Variants in MAGI3 observed in about 807,000 individuals in gnomAD.
The protein encoded by MAGI3 is membrane associated guanylate kinase, WW and PDZ domain containing 3.
MAGI3 carries 43 observed loss-of-function variants against 121.8 expected under a neutral mutation model. The observed-to-expected ratio is 0.35, with a 90% CI of 0.28 to 0.46. The LOEUF (loss-of-function observed/expected upper bound fraction) is 0.46. Among genes scored for constraint, MAGI3 ranks in the 20% least tolerant of loss-of-function variants. The pLI is 1.00. For missense variants in MAGI3, 1,547 were observed against 1,797.3 expected (o/e 0.86, Z 2.52); for synonymous variants, 553 against 639.3 (o/e 0.86, Z 2.04).
intron 8 of MAGI3, 133 bp from the exon 9 acceptor site, chr1:113,622,673 T>G (rs570715282): frequency 1.4e-6 from 1 of 714,786 alleles, no homozygotes; most frequent in East Asian, 3.3e-5. Context: ...GGGTTGAAAG[T>G]AAGCACAGAC....
At chr1:113,442,465 T>C (rs1653963917) in intron 1 of MAGI3, among the ~76,000 whole-genome samples, 1 of 152,074 alleles carries the variant, frequency 6.6e-6, no homozygotes, top group African/African-American at 2.4e-5. Flanking sequence ...TACTGAAGAA[T>C]TGGTTTTATT....
Position 113,654,012 on chromosome 1 carries a change from C to T in MAGI3, c.2623C>T (p.Pro875Ser), listed in dbSNP as rs546080312. Residue 875 changes from proline (P) to serine (S), a missense_variant, in exon 15 of 21, where the codon CCA becomes TCA. By Grantham distance (74) the Pro-to-Ser change is moderately conservative. Coordinates refer to ENST00000307546, the MANE Select transcript of MAGI3 (RefSeq NM_001142782.2). ...CCTCACCTCCAAAAACAAACCACCTCCAGGAGGTAAGGGCTATTGTATCTT... is the reference window on the plus strand; with the variant it reads ...CCTCACCTCCAAAAACAAACCACCTTCAGGAGGTAAGGGCTATTGTATCTT... ...VILTSKNKPPPGVIPHKIGRV... is the reference protein window; with the variant it reads ...VILTSKNKPPSGVIPHKIGRV... 1 of 1,612,450 alleles carries T rather than the reference C, an allele frequency of 6.2e-7. No homozygotes were observed. Among genetic ancestry groups the T allele is most frequent in the South Asian group, 1.1e-5 (1 of 90,892 alleles).
rs61742849 is a variant in MAGI3 at position 113,683,521 on chromosome 1, G to A, written c.3953G>A (p.Gly1318Asp). 63,494 of 1,613,900 alleles carry A rather than the reference G, an allele frequency of 0.039. 1,570 individuals carry two copies. The highest frequency in any genetic ancestry group is 0.099 in the Middle Eastern group (602 of 6,062). ...LLEGKSRRIA[G>D]YTGSNAEQIP... is the part of the protein sequence containing the mutation. ...GAGGGTAAGAGTCGAAGAATAGCAG[G>A]CTATACGGGCAGTAATGCTGAGCAG... Residue 1318 changes from glycine (G) to aspartate (D), a missense_variant, in exon 21 of 21, where the codon GGC (glycine) becomes GAC (aspartate). Transcript: ENST00000307546.
intron 16 of MAGI3, among the ~76,000 whole-genome samples, chr1:113,663,072 A>G (rs1421060539): frequency 6.6e-6 from 1 of 151,944 alleles, no homozygotes; most frequent in Admixed American, 6.5e-5. Context: ...CTAAAAATAC[A>G]AAATTAGCCA....
intron 9 of MAGI3, among the ~76,000 whole-genome samples, chr1:113,629,439 T>C (rs1570963618): frequency 6.6e-6 from 1 of 152,188 alleles, no homozygotes; most frequent in East Asian, 1.9e-4. Context: ...CCTTATTTAG[T>C]TCATTTGGTG....
chr1:113,652,484 T>C (rs964356494), intron 14 of MAGI3, among the ~76,000 whole-genome samples: 2 of 152,214 alleles, frequency 1.3e-5, no homozygotes, highest in African/African-American at 4.8e-5. Flanking sequence ...TGCATATAGA[T>C]TGTAATGCAG....
intron 1 of MAGI3, among the ~76,000 whole-genome samples, chr1:113,492,505 A>G (rs1166432980): frequency 6.6e-6 from 1 of 152,154 alleles, no homozygotes; most frequent in Non-Finnish European, 1.5e-5. Flanking sequence ...TTCTCTTGGA[A>G]AAGAATACCA....
intron 1 of MAGI3, among the ~76,000 whole-genome samples, chr1:113,462,581 G>T (rs1214972156): frequency 6.6e-6 from 1 of 152,066 alleles, no homozygotes; most frequent in Admixed American, 6.6e-5. Context: ...AGCAAGAGGC[G>T]CAGAAAATAT....
chr1:113,405,624 G>C (rs1263801993), intron 1 of MAGI3, among the ~76,000 whole-genome samples: 5 of 152,016 alleles, frequency 3.3e-5, no homozygotes, highest in African/African-American at 1.2e-4. Flanking sequence ...GGGCATTGGT[G>C]ATATCTGTCT....
intron 9 of MAGI3, among the ~76,000 whole-genome samples, chr1:113,639,333 G>T (rs900584701): frequency 5.9e-5 from 9 of 152,196 alleles, no homozygotes; most frequent in African/African-American, 2.2e-4. Flanking sequence ...CGTCGCTCAC[G>T]CTGGGAACTG....
intron 9 of MAGI3, among the ~76,000 whole-genome samples, chr1:113,631,633 C>T (rs890018869): frequency 6.6e-6 from 1 of 152,014 alleles, no homozygotes; most frequent in African/African-American, 2.4e-5. Context: ...ACTTTTGGAG[C>T]AAACATTTAC....
At chr1:113,495,930 CTA>C (rs71948888) in intron 1 of MAGI3, among the ~76,000 whole-genome samples, 25,441 of 152,076 alleles carry the variant, frequency 0.17, 2,367 homozygotes, top group Non-Finnish European at 0.21. Context: ...ATTAGACCTG[CTA>C]TGATTGATAA....
chr1:113,622,964 C>T lies in MAGI3; in HGVS notation c.1330C>T (p.Pro444Ser), dbSNP rs763332982. 6.4e-7 allele frequency: 1 copy of T among 1,553,322 alleles called. No individual in the cohort carries two copies. The highest frequency in any genetic ancestry group is 8.6e-7 in the Non-Finnish European group (1 of 1,157,434). ...LQVKNVLKDG[P>S]AAQDGKIAPG... is the part of the protein sequence containing the mutation. ...AGTGAAAAATGTGCTGAAAGATGGT[C>T]CCGCAGCTCAGGATGGGAAAATTGC... is the stretch of plus-strand genomic sequence containing the variant. The change falls in exon 9 of 21, where the codon CCC (proline) becomes TCC (serine). Residue 444 changes from proline to serine, a missense_variant. Transcript: ENST00000307546.
rs764085468 is a variant in MAGI3, at chr1:113,642,289, C to G, written c.1739C>G (p.Pro580Arg). Residue 580 changes from proline to arginine, a missense_variant, in exon 10 of 21, where the codon CCT (proline) becomes CGT (arginine). By Grantham distance (103) the Pro-to-Arg change is moderately radical. Transcript: ENST00000307546. ...GSSQPELVTIPLIKGPKGFGF... is the reference protein window; with the variant it reads ...GSSQPELVTIRLIKGPKGFGF... ...TCCCAGCCTGAACTAGTGACTATCC[C>G]TTTGATTAAGGGCCCTAAAGGGTTT... The G allele has an allele frequency of 2.6e-5, 42 of 1,613,960 alleles. No individual in the cohort carries two copies. Among genetic ancestry groups the G allele is most frequent in the Non-Finnish European group, 3.5e-5 (41 of 1,180,026 alleles).
intron 1 of MAGI3, among the ~76,000 whole-genome samples, chr1:113,478,874 A>G (rs1255905887): frequency 6.6e-6 from 1 of 152,202 alleles, no homozygotes; most frequent in Non-Finnish European, 1.5e-5. Flanking sequence ...TAGAGGCAGT[A>G]GGCCTTGTTG....
At chr1:113,582,464 G>T (rs1648097506) in intron 3 of MAGI3, among the ~76,000 whole-genome samples, 1 of 67,090 alleles carries the variant, frequency 1.5e-5, no homozygotes, top group Admixed American at 1.1e-4. Flanking sequence ...GGATTTATAG[G>T]TATCAACATT....
chr1:113,483,792 G>C (rs930204200), intron 1 of MAGI3, among the ~76,000 whole-genome samples: 2 of 152,108 alleles, frequency 1.3e-5, no homozygotes, highest in African/African-American at 4.8e-5. Context: ...TCACACGTCG[G>C]AAGAGTTGCA....
intron 9 of MAGI3, among the ~76,000 whole-genome samples, chr1:113,627,994 T>C (rs567137889): frequency 7.2e-5 from 11 of 152,234 alleles, no homozygotes; most frequent in African/African-American, 2.6e-4. Flanking sequence ...TGTCTTTTGA[T>C]TGGAGAGTTT....
chr1:113,562,844 T>A (rs1660294681), intron 2 of MAGI3, among the ~76,000 whole-genome samples: 1 of 152,148 alleles, frequency 6.6e-6, no homozygotes, highest in Admixed American at 6.6e-5. Context: ...ACTTAAAAGT[T>A]GGAAAACAGA....
Sources: allele counts gnomAD v4.1 joint callset (sites outside exome capture counted in the v4.1 genomes callset), GRCh38; gene constraint gnomAD v4.1.1; transcripts MANE v1.5; gene names NCBI Gene and HGNC (gene_info 2026-07-23, HGNC 2026-07-21).